Variants in SIRPA observed in about 807,000 individuals in gnomAD.
SIRPA encodes signal regulatory protein alpha, also known as tyrosine-protein phosphatase non-receptor type substrate 1.
Under a neutral mutation model 50.3 loss-of-function variants are expected in SIRPA, and 9 were observed. That is an observed-to-expected ratio of 0.18 (90% CI 0.11 to 0.31). The LOEUF is 0.31. Among genes scored for constraint, SIRPA ranks in the 10% least tolerant of loss-of-function variants. The pLI is 1.00. For synonymous variants in SIRPA, 265 were observed against 284.1 expected (o/e 0.93, Z 0.68); for missense variants, 474 against 661.6 (o/e 0.72, Z 3.11).
At position 1,924,590 on chromosome 20, in the gene SIRPA, C is replaced by T. The variant is rs1174641777; in HGVS notation, c.1088-174C>T. Among the ~76,000 whole-genome samples the T allele has an allele frequency of 1.3e-5, 2 of 152,164 alleles. No individual in the cohort carries two copies. The highest frequency in any genetic ancestry group is 2.9e-5 in the Non-Finnish European group (2 of 68,024). ...TTTTGTGCTGTTCATGGATGAGTCT[C>T]GTGGGCAAGTGTGTACAGACCCATG... is the stretch of plus-strand genomic sequence containing the variant. On this transcript the variant is annotated intron_variant, in intron 4 of 7. Transcript: ENST00000358771. The surrounding 1 kb of genome is among the most constrained non-coding windows in gnomAD (Gnocchi z 4.5).
chr20:1,919,172 G>A (rs1985495155), intron 2 of SIRPA, among the ~76,000 whole-genome samples: 1 of 152,256 alleles, frequency 6.6e-6, no homozygotes, highest in Non-Finnish European at 1.5e-5. Flanking sequence ...ATGTACTCAG[G>A]TAGTTTTCAA....
At position 1,933,259 on chromosome 20, in the gene SIRPA, C is replaced by T. The variant is rs775110586; in HGVS notation, c.1227-1456C>T. 1.3e-5 allele frequency among the ~76,000 whole-genome samples: 2 copies of T among 152,266 alleles called. No individual in the cohort carries two copies. The highest frequency in any genetic ancestry group is 2.4e-5 in the African/African-American group (1 of 41,548). On this transcript the variant is annotated intron_variant, in intron 6 of 7. Transcript: ENST00000358771. The surrounding 1 kb of genome is among the most constrained non-coding windows in gnomAD (Gnocchi z 4.4). ...TGTCATGGAGGGGCAGCCCAGCCAG[C>T]GCAGCACTGTCAGCAGAGCCATCAC...
At chr20:1,923,416 C>G (rs1203678510) in intron 4 of SIRPA, among the ~76,000 whole-genome samples, 1 of 152,246 alleles carries the variant, frequency 6.6e-6, no homozygotes, top group Non-Finnish European at 1.5e-5. Context: ...GAATGGAAGC[C>G]ATTTCTGTCC....
At chr20:1,904,288 T>C (rs1984415357) in intron 1 of SIRPA, among the ~76,000 whole-genome samples, 1 of 152,196 alleles carries the variant, frequency 6.6e-6, no homozygotes, top group Admixed American at 6.5e-5. Context: ...GCAAACTGCT[T>C]GCCCAACTTT....
At chr20:1,899,051 C>T (rs548634225) in intron 1 of SIRPA, among the ~76,000 whole-genome samples, 13 of 152,102 alleles carry the variant, frequency 8.5e-5, no homozygotes, top group African/African-American at 2.7e-4. Context: ...TGGCTCCGTG[C>T]GACAGGTTAT....
In SIRPA at chr20:1,934,653, A is replaced by AT; in HGVS notation, c.1227-62_1227-61insT. On this transcript the variant is annotated intron_variant, in intron 6 of 7. Coordinates refer to ENST00000358771, the MANE Select transcript of SIRPA (RefSeq NM_001040023.2). The surrounding 1 kb of genome is among the most constrained non-coding windows in gnomAD (Gnocchi z 4.6). ...ATGGAGCCTAAATGTTATTCTTATC[A>AT]GTTTGCATGAGCACTTGAGATAGTG... The AT allele has an allele frequency of 6.6e-7, 1 of 1,517,052 alleles. No homozygotes were observed. The highest frequency in any genetic ancestry group is 9.2e-7 in the Non-Finnish European group (1 of 1,092,596). 94.0% of individuals were successfully genotyped at this position (1,517,052 alleles called of 1,614,324 possible). A position where few individuals can be genotyped will look rare whatever the true frequency, so the allele number is the denominator to read the frequency against.
In SIRPA at chr20:1,922,340, A is replaced by C. The variant is rs1428530571; in HGVS notation, c.782A>C (p.Gln261Pro). 8 of 1,614,008 alleles carry C rather than the reference A, an allele frequency of 5.0e-6. No individual in the cohort carries two copies. The highest frequency in any genetic ancestry group is 6.8e-6 in the Non-Finnish European group (8 of 1,179,968). The change falls in exon 4 of 8, where the codon CAG (glutamine) becomes CCG (proline). Residue 261 changes from glutamine (Q) to proline (P), a missense_variant. By Grantham distance (76) the Gln-to-Pro change is moderately conservative. Transcript: ENST00000358771. ...CCACCCACCTTGGAGGTTACTCAACAGCCCGTGAGGGCAGAGAACCAGGTG... is the reference window on the plus strand; with the variant it reads ...CCACCCACCTTGGAGGTTACTCAACCGCCCGTGAGGGCAGAGAACCAGGTG... ...RVPPTLEVTQ[Q>P]PVRAENQVNV...
intron 1 of SIRPA, among the ~76,000 whole-genome samples, chr20:1,906,119 G>C (rs960535678): frequency 3.9e-5 from 6 of 152,084 alleles, no homozygotes; most frequent in Non-Finnish European, 8.8e-5. Flanking sequence ...TTCATCCTCA[G>C]AACAACCCTA....
rs1986408056 is a variant in SIRPA, at chr20:1,933,481, C to G, written c.1227-1234C>G. On this transcript the variant is annotated intron_variant, in intron 6 of 7. Coordinates refer to ENST00000358771, the MANE Select transcript of SIRPA (RefSeq NM_001040023.2). The surrounding 1 kb of genome is among the most constrained non-coding windows in gnomAD (Gnocchi z 4.4). ...GTGAATTAGCCTGGAGGCAGCACGT[C>G]AGACCACGTGGGACTCTGAGCAGGG... Among the ~76,000 whole-genome samples, 1 of 151,588 alleles carries G rather than the reference C, an allele frequency of 6.6e-6. No homozygotes were observed. The highest frequency in any genetic ancestry group is 2.1e-4 in the South Asian group (1 of 4,730).
rs1421078280 is a variant in SIRPA at position 1,933,939 on chromosome 20, A to G, written c.1227-776A>G. Among the ~76,000 whole-genome samples the G allele has an allele frequency of 6.6e-6, 1 of 152,112 alleles. No homozygotes were observed. The highest frequency in any genetic ancestry group is 1.5e-5 in the Non-Finnish European group (1 of 68,036). ...GTCTTTTTCTTTTCTTTCTTTAATG[A>G]TGATACATAGATGTTTATAATACAG... On this transcript the variant is annotated intron_variant, in intron 6 of 7. Transcript: ENST00000358771. This position sits in a 1 kb window ranked among gnomAD's most constrained non-coding sequence, Gnocchi z 4.4.
At chr20:1,917,951 G>C (rs978432914) in intron 2 of SIRPA, among the ~76,000 whole-genome samples, 6 of 152,194 alleles carry the variant, frequency 3.9e-5, no homozygotes, top group Admixed American at 6.5e-5. Context: ...TCAGTGTCAG[G>C]GTTCATGAAG....
At chr20:1,905,286 A>G (rs2123018735) in intron 1 of SIRPA, among the ~76,000 whole-genome samples, 1 of 152,280 alleles carries the variant, frequency 6.6e-6, no homozygotes, top group African/African-American at 2.4e-5. Context: ...GAGAATCCAG[A>G]AGCCTGAACT....
intron 2 of SIRPA, among the ~76,000 whole-genome samples, chr20:1,919,348 A>G (rs987303783): frequency 2.0e-5 from 3 of 152,252 alleles, no homozygotes; most frequent in African/African-American, 7.2e-5. Context: ...TGGGATAGAC[A>G]CCCAGAGGTC....
chr20:1,913,296 A>G (rs757717520), intron 1 of SIRPA, among the ~76,000 whole-genome samples: 41 of 152,168 alleles, frequency 2.7e-4, no homozygotes, highest in Non-Finnish European at 5.1e-4. Flanking sequence ...TGAGGCTGGG[A>G]ATGGGAGAAA....
Position 1,895,424 on chromosome 20 carries a change from C to G in SIRPA, c.-24C>G. ...GAGCGCGCACTCACGGCCGCTCTCC[C>G]TCCTCGCTCCGCAGCCGCGGCCCAT... On this transcript the variant is annotated 5_prime_UTR_variant, in exon 1 of 8. Coordinates refer to ENST00000358771, the MANE Select transcript of SIRPA (RefSeq NM_001040023.2). The G allele has an allele frequency of 7.2e-7, 1 of 1,379,630 alleles. No individual in the cohort carries two copies. The allele number at this position is 1,379,630 out of a possible 1,614,324, so 85.5% of individuals were successfully genotyped here.
Position 1,939,276 on chromosome 20 carries a change from G to A in SIRPA, c.*1708G>A, listed in dbSNP as rs1986761323. 1 of 152,234 alleles carries A rather than the reference G, an allele frequency of 6.6e-6. No homozygotes were observed. Among genetic ancestry groups the A allele is most frequent in the African/African-American group, 2.4e-5 (1 of 41,454 alleles). 9.4% of individuals were successfully genotyped at this position (152,234 alleles called of 1,614,324 possible). A position where few individuals can be genotyped will look rare whatever the true frequency, so the allele number is the denominator to read the frequency against. Reference sequence around the variant, plus strand: ...TGGCTCAGGCTGTAAAAGTAGCTGAGCCATCCTGCCCATTCCTGGAGGTCC... The same window carrying A: ...TGGCTCAGGCTGTAAAAGTAGCTGAACCATCCTGCCCATTCCTGGAGGTCC... On this transcript the variant is annotated 3_prime_UTR_variant, in exon 8 of 8. Transcript: ENST00000358771. The surrounding 1 kb of genome is among the most constrained non-coding windows in gnomAD (Gnocchi z 4.7).
rs1051162529 is a variant in SIRPA at position 1,908,224 on chromosome 20, C to T, written c.80-6875C>T. Among the ~76,000 whole-genome samples, 8 of 152,160 alleles carry T rather than the reference C, an allele frequency of 5.3e-5. 1 individual carries two copies. The highest frequency in any genetic ancestry group is 3.3e-4 in the Admixed American group (5 of 15,284). On this transcript the variant is annotated intron_variant, in intron 1 of 7. Transcript: ENST00000358771. ...GCACATGCCCAGCTGGACACACTCC[C>T]GAACACAGGCACACGGACACCTGGG...
rs950226936 is a variant in SIRPA, at chr20:1,921,861, T to G, written c.754+149T>G. 8 of 684,462 alleles carry G rather than the reference T, an allele frequency of 1.2e-5. No homozygotes were observed. The African/African-American group carries it at 1.4e-4, about 12-fold the overall frequency. 42.4% of individuals were successfully genotyped at this position (684,462 alleles called of 1,614,324 possible). A position where few individuals can be genotyped will look rare whatever the true frequency, so the allele number is the denominator to read the frequency against. ...TGCCCACCTCCCATGCCCCTAGATG[T>G]GCCAGCCACTTACTAACATTTTAAT... is the stretch of plus-strand genomic sequence containing the variant. On this transcript the variant is annotated intron_variant, in intron 3 of 7. Transcript: ENST00000358771.
intron 1 of SIRPA, among the ~76,000 whole-genome samples, chr20:1,900,092 TTTTTTTTTTTC>T (rs940867269): frequency 3.0e-5 from 4 of 135,236 alleles, no homozygotes; most frequent in African/African-American, 1.1e-4. Flanking sequence ...TCCTTGTAGC[TTTTTTTTTTTC>T]TTTTTTTTTT....
Sources: allele counts gnomAD v4.1 joint callset (sites outside exome capture counted in the v4.1 genomes callset), GRCh38; gene constraint gnomAD v4.1.1; non-coding constraint Gnocchi (gnomAD v3.1); transcripts MANE v1.5; gene names NCBI Gene and HGNC (gene_info 2026-07-23, HGNC 2026-07-21).